The following GRM7 variants were observed in gnomAD, a reference collection of about 807,000 sequenced individuals.
GRM7 encodes the protein glutamate metabotropic receptor 7.
In GRM7, 35 loss-of-function variants were observed where a neutral mutation model predicts 84.5. That is an observed-to-expected ratio of 0.41 (90% confidence interval 0.32 to 0.55). The LOEUF (loss-of-function observed/expected upper bound fraction) is 0.55, where lower values mean the gene tolerates loss of function less well. Among genes scored for constraint, GRM7 ranks in the 20% least tolerant of loss-of-function variants. The probability of loss-of-function intolerance (pLI) is 0.19; values close to 1 mark genes in which losing one functional copy is unlikely to be tolerated. For missense variants in GRM7, 1,003 were observed against 1,194.6 expected (o/e 0.84, Z 2.36); for synonymous variants, 487 against 455.1 (o/e 1.07, Z -0.89).
chr3:7,293,477 C>G (rs1699708082), intron 2 of GRM7, among the ~76,000 whole-genome samples: 2 of 152,194 alleles, frequency 1.3e-5, no homozygotes, highest in Admixed American at 1.3e-4. Context: ...AGCTGAGGTG[C>G]TATGAATGGA....
At chr3:7,068,139 ATAGACT>A (rs1420637854) in intron 1 of GRM7, among the ~76,000 whole-genome samples, 2 of 152,134 alleles carry the variant, frequency 1.3e-5, no homozygotes, top group East Asian at 3.9e-4. Context: ...GAAATGAAAA[ATAGACT>A]TAGATGTGTT....
chr3:7,524,311 A>G lies in GRM7; in HGVS notation c.1516-54111A>G, dbSNP rs552149513. Among the ~76,000 whole-genome samples, 514 of 149,270 alleles carry G rather than the reference A, an allele frequency of 3.4e-3. 5 individuals are homozygous for G. The highest frequency in any genetic ancestry group is 0.012 in the African/African-American group (468 of 39,886). On this transcript the variant is annotated intron_variant, in intron 7 of 9. Coordinates refer to ENST00000357716, the MANE Select transcript of GRM7 (RefSeq NM_000844.4). The stretch of plus-strand genomic sequence containing the variant: ...CTTCTGCACAGCAAAAGAAACTACC[A>G]TCAGAGTGAACAGGTAACCTACAAA...
At chr3:7,169,202 T>A (rs1329977973) in intron 2 of GRM7, among the ~76,000 whole-genome samples, 1 of 152,168 alleles carries the variant, frequency 6.6e-6, no homozygotes, top group Admixed American at 6.5e-5. Context: ...GGTGCATTTT[T>A]TTTTGAATTT....
At chr3:7,230,658 C>T (rs1036673132) in intron 2 of GRM7, among the ~76,000 whole-genome samples, 1 of 152,124 alleles carries the variant, frequency 6.6e-6, no homozygotes, top group Non-Finnish European at 1.5e-5. Context: ...CGGCTTAATG[C>T]AGCTTTCAAA....
intron 5 of GRM7, among the ~76,000 whole-genome samples, chr3:7,435,713 A>G (rs1478510864): frequency 8.2e-6 from 1 of 121,932 alleles, no homozygotes; most frequent in Non-Finnish European, 1.6e-5. Flanking sequence ...TTTGAGACAG[A>G]GTCTCGCTCT....
intron 2 of GRM7, among the ~76,000 whole-genome samples, chr3:7,164,511 C>T (rs1694739348): frequency 6.6e-6 from 1 of 152,212 alleles, no homozygotes; most frequent in African/African-American, 2.4e-5. Flanking sequence ...AACCATCTGT[C>T]CCACATGACA....
At chr3:7,411,807 A>G (rs1349469282) in intron 4 of GRM7, among the ~76,000 whole-genome samples, 1 of 152,204 alleles carries the variant, frequency 6.6e-6, no homozygotes, top group Non-Finnish European at 1.5e-5. Context: ...TCTCTAGTGC[A>G]TGTACCTAGC....
At chr3:7,051,147 G>A (rs539862596) in intron 1 of GRM7, among the ~76,000 whole-genome samples, 19 of 151,818 alleles carry the variant, frequency 1.3e-4, no homozygotes, top group African/African-American at 4.6e-4. Context: ...TTGCAATTGA[G>A]GAAACCAGGA....
intron 5 of GRM7, among the ~76,000 whole-genome samples, chr3:7,421,107 T>G (rs1651552072): frequency 6.6e-6 from 1 of 152,242 alleles, no homozygotes; most frequent in Non-Finnish European, 1.5e-5. Flanking sequence ...AGTGTCATGC[T>G]AACTCTATGG....
At chr3:7,269,728 A>G (rs1433517319) in intron 2 of GRM7, among the ~76,000 whole-genome samples, 1 of 152,066 alleles carries the variant, frequency 6.6e-6, no homozygotes, top group East Asian at 1.9e-4. Flanking sequence ...AGACAGGACT[A>G]TGAGCAAATC....
At chr3:7,427,789 C>T (rs966761136) in intron 5 of GRM7, among the ~76,000 whole-genome samples, 6 of 152,052 alleles carry the variant, frequency 3.9e-5, no homozygotes, top group Admixed American at 6.6e-5. Flanking sequence ...TAAATGGAAG[C>T]GCAGGAAGAC....
chr3:7,687,312 A>G (rs753940877), intron 9 of GRM7, among the ~76,000 whole-genome samples: 3 of 152,212 alleles, frequency 2.0e-5, no homozygotes, highest in Admixed American at 1.3e-4. Flanking sequence ...AGATGCTTTT[A>G]TATTGCTTTA....
chr3:7,394,817 C>G (rs1434240289), intron 4 of GRM7, among the ~76,000 whole-genome samples: 1 of 152,032 alleles, frequency 6.6e-6, no homozygotes, highest in African/African-American at 2.4e-5. Context: ...GCGGGCAGGT[C>G]ACCTGAGGAC....
Position 6,923,246 on chromosome 3 carries a change from C to G in GRM7, c.519+61339C>G, listed in dbSNP as rs1697185347. ...GCCAGGCTGGTCTCGGACTTCTGAC[C>G]TCAGATGATCCACCTGCCTCGGTCT... On this transcript the variant is annotated intron_variant, in intron 1 of 9. Transcript: ENST00000357716. Among the ~76,000 whole-genome samples the G allele has an allele frequency of 2.6e-5, 4 of 152,084 alleles. No homozygotes were observed. In the South Asian group the frequency reaches 8.3e-4, roughly 32 times the overall value.
chr3:7,256,508 T>C (rs183716309), intron 2 of GRM7, among the ~76,000 whole-genome samples: 18 of 152,316 alleles, frequency 1.2e-4, no homozygotes, highest in African/African-American at 4.1e-4. Flanking sequence ...TGTGGCTTTC[T>C]GTTATGCTCC....
chr3:6,881,921 T>TTGTGTGTGTGTGTG (rs3060190), intron 1 of GRM7, among the ~76,000 whole-genome samples: 1,886 of 144,654 alleles, frequency 0.013, 42 homozygotes, highest in African/African-American at 0.045. Flanking sequence ...GGCAATTGAA[T>TTGTGTGTGTGTGTG]TGTGTGTGTG....
chr3:6,976,531 A>G (rs1694005040), intron 1 of GRM7, among the ~76,000 whole-genome samples: 1 of 152,204 alleles, frequency 6.6e-6, no homozygotes, highest in Non-Finnish European at 1.5e-5. Flanking sequence ...AGTCATTGTA[A>G]CTAAGGATTA....
intron 1 of GRM7, among the ~76,000 whole-genome samples, chr3:7,034,261 C>A (rs982887045): frequency 6.6e-6 from 1 of 151,874 alleles, no homozygotes; most frequent in Admixed American, 6.6e-5. Flanking sequence ...GATCTCATCC[C>A]CAGAAGTTTA....
intron 1 of GRM7, among the ~76,000 whole-genome samples, chr3:6,943,754 G>A (rs531701869): frequency 7.9e-5 from 12 of 152,098 alleles, no homozygotes; most frequent in African/African-American, 2.9e-4. Flanking sequence ...GGGTTTCATT[G>A]AATGTATTCA....
Sources: gnomAD v4.1 joint callset for allele counts (sites outside exome capture counted in the v4.1 genomes callset) on GRCh38, gnomAD v4.1.1 for gene constraint, MANE v1.5 for transcripts, NCBI Gene and HGNC (gene_info 2026-07-23, HGNC 2026-07-21) for gene names.